The following WDPCP variants were observed in gnomAD, a reference collection of about 807,000 sequenced individuals.
The protein encoded by WDPCP is WD repeat containing planar cell polarity effector.
In WDPCP, 71 loss-of-function variants were observed where a neutral mutation model predicts 93.1. The ratio of observed to expected loss-of-function variants is 0.76; its 90% CI spans 0.63 to 0.93. WDPCP has a LOEUF of 0.93. Among genes scored for constraint, WDPCP ranks in the 40% least tolerant of loss-of-function variants. The pLI, the probability that WDPCP is intolerant of heterozygous loss-of-function variation, is 0.00. For synonymous variants in WDPCP, 315 were observed against 315.0 expected, an observed-to-expected ratio of 1.00 and a Z score of 0.00; for missense variants, 844 against 887.4, an observed-to-expected ratio of 0.95 and a Z score of 0.62.
intron 17 of WDPCP, among the ~76,000 whole-genome samples, chr2:63,143,054 G>T (rs1489386565): frequency 6.6e-6 from 1 of 151,948 alleles, no homozygotes; most frequent in African/African-American, 2.4e-5. Context: ...AAGTTCAAGC[G>T]ATTCTCCTGC....
chr2:63,529,665 T>A (rs984581037), intron 1 of WDPCP, among the ~76,000 whole-genome samples: 7 of 152,292 alleles, frequency 4.6e-5, no homozygotes, highest in South Asian at 2.1e-4. Flanking sequence ...GGGATACTGG[T>A]CTAAAATTCT....
intron 6 of WDPCP, among the ~76,000 whole-genome samples, chr2:63,467,479 C>T (rs1247082153): frequency 6.6e-6 from 1 of 150,742 alleles, no homozygotes; most frequent in East Asian, 2.0e-4. Flanking sequence ...CTCAAAAAAA[C>T]AAACAAACAA....
At chr2:63,165,228 G>A (rs1466543993) in intron 15 of WDPCP, among the ~76,000 whole-genome samples, 1 of 152,086 alleles carries the variant, frequency 6.6e-6, no homozygotes, top group Non-Finnish European at 1.5e-5. Flanking sequence ...TTCCTGTTGT[G>A]TTTTCATCAG....
chr2:63,758,961 A>G (rs1255863788), intron 2 of WDPCP, among the ~76,000 whole-genome samples: 1 of 150,070 alleles, frequency 6.7e-6, no homozygotes, highest in Non-Finnish European at 1.5e-5. Flanking sequence ...GTATTTTTTT[A>G]GTAGAGACGG....
chr2:63,515,372 TTG>T (rs199938958), intron 1 of WDPCP, among the ~76,000 whole-genome samples: 2,120 of 152,276 alleles, frequency 0.014, 28 homozygotes, highest in Non-Finnish European at 0.022. Flanking sequence ...ATAAACTTCA[TTG>T]TGTGACTTGC....
At chr2:63,778,084 T>C (rs1032899676) in intron 2 of WDPCP, among the ~76,000 whole-genome samples, 1 of 152,186 alleles carries the variant, frequency 6.6e-6, no homozygotes, top group African/African-American at 2.4e-5. Flanking sequence ...ACCTGACCCA[T>C]TCTGTGCTAT....
At chr2:63,563,373 A>C (rs1414207947) in intron 1 of WDPCP, among the ~76,000 whole-genome samples, 1 of 151,988 alleles carries the variant, frequency 6.6e-6, no homozygotes, top group African/African-American at 2.4e-5. Context: ...TGTAGTATGG[A>C]AATGAAAAAA....
chr2:63,535,815 A>G lies in WDPCP; in HGVS notation c.76-42875T>C, dbSNP rs1051557833. 3.9e-5 allele frequency among the ~76,000 whole-genome samples: 6 copies of G among 152,278 alleles called. No homozygotes were observed. The East Asian group carries it at 7.7e-4, about 20-fold the overall frequency. ...ACATAGGCATGGGCAAGGACTTCAT[A>G]TCTAAAACACCAAAAGCAATGGCAA... is the stretch of plus-strand genomic sequence containing the variant. On this transcript the variant is annotated intron_variant, in intron 1 of 17. Transcript: ENST00000272321.
At chr2:63,374,009 G>A (rs1474003396) in intron 12 of WDPCP, among the ~76,000 whole-genome samples, 6 of 149,158 alleles carry the variant, frequency 4.0e-5, no homozygotes, top group Non-Finnish European at 5.9e-5. Flanking sequence ...TAGTGTATAT[G>A]CTTTATATGA....
chr2:63,605,452 A>C, intron 3 of WDPCP: 1 of 1,220,438 alleles, frequency 8.2e-7, no homozygotes, highest in Non-Finnish European at 1.2e-6. Context: ...CTGATGATAT[A>C]ATATAAAAAG....
intron 1 of WDPCP, among the ~76,000 whole-genome samples, chr2:63,824,513 A>G (rs1294346170): frequency 8.2e-6 from 1 of 122,006 alleles, no homozygotes; most frequent in African/African-American, 3.3e-5. Context: ...ACGCCACTGC[A>G]CTCCAGCCTG....
At chr2:63,336,890 A>G (rs1688413014) in intron 12 of WDPCP, among the ~76,000 whole-genome samples, 1 of 125,308 alleles carries the variant, frequency 8.0e-6, no homozygotes, top group Admixed American at 9.7e-5. Flanking sequence ...TCTTCATGAG[A>G]GTCACTTTTT....
At chr2:63,310,848 G>C (rs187368337) in intron 13 of WDPCP, among the ~76,000 whole-genome samples, 3 of 152,220 alleles carry the variant, frequency 2.0e-5, no homozygotes, top group East Asian at 3.9e-4. Context: ...GAAAAACCAA[G>C]ACCCTGTCTC....
At chr2:63,562,932 A>C (rs1302105798) in intron 1 of WDPCP, among the ~76,000 whole-genome samples, 1 of 152,200 alleles carries the variant, frequency 6.6e-6, no homozygotes, top group Non-Finnish European at 1.5e-5. Context: ...TTTTAGTGGA[A>C]AATGATAGTT....
chr2:63,174,486 C>T (rs1486008459), intron 15 of WDPCP, among the ~76,000 whole-genome samples, 184 bp downstream of exon 15: 1 of 152,152 alleles, frequency 6.6e-6, no homozygotes, highest in Non-Finnish European at 1.5e-5. Context: ...ATTATTTTTA[C>T]ATTCACTTCT....
chr2:63,595,445 A>G (rs1709290605), intron 3 of WDPCP: 1 of 1,611,894 alleles, frequency 6.2e-7, no homozygotes, highest in Non-Finnish European at 8.5e-7. Flanking sequence ...GTGCTGTTGG[A>G]TATCACCCCC....
At chr2:63,392,881 G>GA (rs1693396340) in intron 10 of WDPCP, among the ~76,000 whole-genome samples, 1 of 152,220 alleles carries the variant, frequency 6.6e-6, no homozygotes, top group East Asian at 1.9e-4. Context: ...AAAAAGTCAG[G>GA]AAAACAACAG....
chr2:63,346,232 G>A (rs1575190800), intron 12 of WDPCP, among the ~76,000 whole-genome samples: 4 of 152,244 alleles, frequency 2.6e-5, no homozygotes, highest in Admixed American at 2.6e-4. Context: ...AATTGTTATG[G>A]CACAAGAAAA....
chr2:63,349,676 TA>T (rs1483693779), intron 12 of WDPCP, among the ~76,000 whole-genome samples: 2 of 152,186 alleles, frequency 1.3e-5, no homozygotes, highest in African/African-American at 2.4e-5. Context: ...AAATCTGCAT[TA>T]AAATGACACA....
Sources: allele counts gnomAD v4.1 joint callset (sites outside exome capture counted in the v4.1 genomes callset), GRCh38; gene constraint gnomAD v4.1.1; transcripts MANE v1.5; gene names NCBI Gene and HGNC (gene_info 2026-07-23, HGNC 2026-07-21).